Variants in NIPAL1 observed in about 807,000 individuals in gnomAD.
The protein encoded by NIPAL1 is magnesium transporter NIPA3.
A neutral mutation model predicts 37.7 loss-of-function variants in NIPAL1; 35 were observed. That is an observed-to-expected ratio of 0.93 (90% CI 0.71 to 1.23). The LOEUF (loss-of-function observed/expected upper bound fraction) is 1.23, where lower values mean the gene tolerates loss of function less well. Ranked by LOEUF, NIPAL1 falls within the 50% of genes most tolerant of loss-of-function variation. The pLI is 0.00. For synonymous variants in NIPAL1, 162 were observed against 183.0 expected (o/e 0.89, Z 0.93); for missense variants, 412 against 473.9 (o/e 0.87, Z 1.21).
chr4:48,020,706 A>G (rs1160039913), intron 1 of NIPAL1, among the ~76,000 whole-genome samples: 2 of 152,296 alleles, frequency 1.3e-5, no homozygotes, highest in East Asian at 3.9e-4. Context: ...ACTTCTGCTG[A>G]CTTCCCATTG....
intron 3 of NIPAL1, among the ~76,000 whole-genome samples, chr4:48,031,597 G>A (rs1715820692): frequency 1.3e-5 from 2 of 152,162 alleles, no homozygotes; most frequent in African/African-American, 2.4e-5. Context: ...ATTGAAGAGA[G>A]AAAAGCATAC....
rs1220484922 is a variant in NIPAL1 at position 48,038,841 on chromosome 4, C to T, written c.*2669C>T. ...GGTGTTTGCCCTTGGTACGTTATGA[C>T]CAGGTCAAAGGTTCCCAAACACAAG... On this transcript the variant is annotated 3_prime_UTR_variant, in exon 6 of 6. Coordinates refer to ENST00000295461, the MANE Select transcript of NIPAL1 (RefSeq NM_207330.3). 1.3e-5 allele frequency: 2 copies of T among 152,014 alleles called. No homozygotes were observed. Among genetic ancestry groups the T allele is most frequent in the African/African-American group, 4.8e-5 (2 of 41,362 alleles). The allele number at this position is 152,014 out of a possible 1,614,324, so 9.4% of individuals were successfully genotyped here.
chr4:48,035,362 G>A (rs912118792), intron 5 of NIPAL1, among the ~76,000 whole-genome samples, 200 bp from the exon 6 acceptor site: 1 of 152,150 alleles, frequency 6.6e-6, no homozygotes, highest in African/African-American at 2.4e-5. Flanking sequence ...GCTCATAGTG[G>A]TATTGGTGAG....
In NIPAL1 at chr4:48,025,354, A is replaced by G. The variant is rs754305769; in HGVS notation, c.313+20A>G. 6.2e-7 allele frequency: 1 copy of G among 1,608,118 alleles called. No individual in the cohort carries two copies. Among genetic ancestry groups the G allele is most frequent in the Admixed American group, 1.7e-5 (1 of 59,118 alleles). On this transcript the variant is annotated intron_variant, in intron 2 of 5. Transcript: ENST00000295461. Reference sequence around the variant, plus strand: ...GAGCTGGTAAGAAACACATGCAACTAATGAATTTAAGTTTCTAACTGCAGA... The same window carrying G: ...GAGCTGGTAAGAAACACATGCAACTGATGAATTTAAGTTTCTAACTGCAGA...
In NIPAL1 at chr4:48,036,344, T is replaced by A. The variant is rs759273757; in HGVS notation, c.*172T>A. ...TTGGCCATTGAATTTGAAAATCAAA[T>A]TGATTATCCTCCAGAATCTCTACAA... On this transcript the variant is annotated 3_prime_UTR_variant, in exon 6 of 6. Coordinates refer to ENST00000295461, the MANE Select transcript of NIPAL1 (RefSeq NM_207330.3). The A allele has an allele frequency of 6.9e-6, 4 of 578,266 alleles. No homozygotes were observed. The allele number at this position is 578,266 out of a possible 1,614,324, so 35.8% of individuals were successfully genotyped here. A position where few individuals can be genotyped will look rare whatever the true frequency, so the allele number is the denominator to read the frequency against.
intron 1 of NIPAL1, among the ~76,000 whole-genome samples, chr4:48,019,117 A>G (rs568542854): frequency 6.6e-6 from 1 of 152,320 alleles, no homozygotes; most frequent in Admixed American, 6.5e-5. Flanking sequence ...ACCTGGGTTC[A>G]AGCAATTCTC....
At chr4:48,021,889 G>A (rs1715577402) in intron 1 of NIPAL1, among the ~76,000 whole-genome samples, 4 of 149,388 alleles carry the variant, frequency 2.7e-5, no homozygotes, top group African/African-American at 9.8e-5. Flanking sequence ...ACATTGGTGT[G>A]TATATATATA....
chr4:48,017,243 T>A (rs187920590), intron 1 of NIPAL1, among the ~76,000 whole-genome samples: 87 of 152,308 alleles, frequency 5.7e-4, no homozygotes, highest in Non-Finnish European at 7.5e-4. Flanking sequence ...TTCCTCTGAC[T>A]CAGGCTCCCT....
chr4:48,024,036 C>T (rs911001035), intron 1 of NIPAL1, among the ~76,000 whole-genome samples: 5 of 141,586 alleles, frequency 3.5e-5, no homozygotes, highest in East Asian at 2.1e-4. Flanking sequence ...AGTGCAGTGG[C>T]GCGATCTCAG....
At chr4:48,023,619 T>G (rs537416794) in intron 1 of NIPAL1, among the ~76,000 whole-genome samples, 63 of 152,334 alleles carry the variant, frequency 4.1e-4, no homozygotes, top group African/African-American at 1.4e-3. Context: ...TGTCACAATG[T>G]CACCTTGTTG....
intron 4 of NIPAL1, 37 bp from the exon 5 acceptor site, chr4:48,034,844 G>A: frequency 1.3e-6 from 2 of 1,537,626 alleles, no homozygotes; most frequent in Non-Finnish European, 1.8e-6. Context: ...AAAGGTAATT[G>A]AGCTATAGTG....
intron 3 of NIPAL1, among the ~76,000 whole-genome samples, chr4:48,031,619 A>G (rs1367171842): frequency 6.6e-6 from 1 of 152,212 alleles, no homozygotes; most frequent in Non-Finnish European, 1.5e-5. Context: ...TTAGAGATTA[A>G]GTAAGTGATA....
chr4:48,017,936 CTCT>C (rs1192338038), intron 1 of NIPAL1, among the ~76,000 whole-genome samples: 1 of 151,874 alleles, frequency 6.6e-6, no homozygotes. Flanking sequence ...GTTTCCTCTC[CTCT>C]TGACTCTTCC....
At position 48,036,344 on chromosome 4, in the gene NIPAL1, T is replaced by C. The variant is rs759273757; in HGVS notation, c.*172T>C. 1 of 578,266 alleles carries C rather than the reference T, an allele frequency of 1.7e-6. No individual in the cohort carries two copies. The highest frequency in any genetic ancestry group is 3.0e-6 in the Non-Finnish European group (1 of 337,698). 35.8% of individuals were successfully genotyped at this position (578,266 alleles called of 1,614,324 possible). On this transcript the variant is annotated 3_prime_UTR_variant, in exon 6 of 6. Transcript: ENST00000295461. ...TTGGCCATTGAATTTGAAAATCAAA[T>C]TGATTATCCTCCAGAATCTCTACAA...
intron 1 of NIPAL1, among the ~76,000 whole-genome samples, chr4:48,020,552 C>A (rs950535521): frequency 6.6e-6 from 1 of 152,298 alleles, no homozygotes; most frequent in Non-Finnish European, 1.5e-5. Flanking sequence ...GGTTTGGCTC[C>A]TTCATGTGGG....
rs556842110 is a variant in NIPAL1 at position 48,025,253 on chromosome 4, T to C, written c.232T>C (p.Ser78Pro). The change falls in exon 2 of 6, where the codon TCA (serine) becomes CCA (proline). Residue 78 changes from serine (S) to proline (P), a missense_variant. Physicochemically the swap from Ser to Pro is moderately conservative, Grantham distance 74 (BLOSUM62 -1). Coordinates refer to ENST00000295461, the MANE Select transcript of NIPAL1 (RefSeq NM_207330.3). ...TGTGGGCTTGGTACTGGCAGTAAGC[T>C]CAAGTATTTTTATTGGCTCCAGCTT... is the stretch of plus-strand genomic sequence containing the variant. Reference protein sequence around the residue: ...LYVGLVLAVSSSIFIGSSFIL... With the variant: ...LYVGLVLAVSPSIFIGSSFIL... 1.7e-5 allele frequency: 27 copies of C among 1,614,096 alleles called. No homozygotes were observed. In the East Asian group the frequency reaches 4.7e-4, roughly 28 times the overall value.
At position 48,034,951 on chromosome 4, in the gene NIPAL1, A is replaced by C. The variant is rs1715893777; in HGVS notation, c.532A>C (p.Ile178Leu). The C allele has an allele frequency of 1.6e-5, 26 of 1,611,662 alleles. No individual in the cohort carries two copies. Among genetic ancestry groups the C allele is most frequent in the Non-Finnish European group, 2.1e-5 (25 of 1,177,720 alleles). Reference sequence around the variant, plus strand: ...TGGGAAAATAGGCTGCATATTAAGTATATTGGGGTCAACTGTGATGGTTAT... The same window carrying C: ...TGGGAAAATAGGCTGCATATTAAGTCTATTGGGGTCAACTGTGATGGTTAT... ...IHGKIGCILSILGSTVMVIHA... is the reference protein window; with the variant it reads ...IHGKIGCILSLLGSTVMVIHA... The change falls in exon 5 of 6, where the codon ATA becomes CTA. Residue 178 changes from isoleucine to leucine, a missense_variant. By Grantham distance (5) the Ile-to-Leu change is conservative. Transcript: ENST00000295461.
Position 48,037,898 on chromosome 4 carries a change from C to CA in NIPAL1, c.*1730dup, listed in dbSNP as rs1262026050. 1 of 149,714 alleles carries CA rather than the reference C, an allele frequency of 6.7e-6. No homozygotes were observed. The highest frequency in any genetic ancestry group is 1.9e-4 in the East Asian group (1 of 5,168). The allele number at this position is 149,714 out of a possible 1,614,324, so 9.3% of individuals were successfully genotyped here. On this transcript the variant is annotated 3_prime_UTR_variant, in exon 6 of 6. Coordinates refer to ENST00000295461, the MANE Select transcript of NIPAL1 (RefSeq NM_207330.3). ...ATTTTTATAACAATCTTATTTTTCTCAAAACAAAAATCCTAACCAAAAAGT... is the reference window on the plus strand; with the variant it reads ...ATTTTTATAACAATCTTATTTTTCTCAAAAACAAAAATCCTAACCAAAAAGT...
chr4:48,036,122 G>C lies in NIPAL1; in HGVS notation c.1183G>C (p.Ala395Pro), dbSNP rs1195552427. 9 of 1,609,088 alleles carry C rather than the reference G, an allele frequency of 5.6e-6. No homozygotes were observed. Among genetic ancestry groups the C allele is most frequent in the Non-Finnish European group, 7.6e-6 (9 of 1,178,804 alleles). The change falls in exon 6 of 6, where the codon GCC becomes CCC. Residue 395 changes from alanine (A) to proline (P), a missense_variant. Ala to Pro is a conservative substitution (Grantham distance 27). Coordinates refer to ENST00000295461, the MANE Select transcript of NIPAL1 (RefSeq NM_207330.3). ...TTTACTAGAGAACTTGGAGTGTTCA[G>C]CCCCAGGATACAATGATGACGTTAC... ...YVLLENLECS[A>P]PGYNDDVTLF... is the part of the protein sequence containing the mutation.
Sources: allele counts gnomAD v4.1 joint callset (sites outside exome capture counted in the v4.1 genomes callset), GRCh38; gene constraint gnomAD v4.1.1; transcripts MANE v1.5; gene names NCBI Gene and HGNC (gene_info 2026-07-23, HGNC 2026-07-21).